The following DNAH5 variants were observed in gnomAD, a reference collection of about 807,000 sequenced individuals.
DNAH5 encodes dynein axonemal heavy chain 5, also known as axonemal beta dynein heavy chain 5.
DNAH5 carries 372 observed loss-of-function variants against 518.2 expected under a neutral mutation model. That is an observed-to-expected ratio of 0.72 (90% CI 0.66 to 0.78). The LOEUF (loss-of-function observed/expected upper bound fraction) is 0.78, where lower values mean the gene tolerates loss of function less well. DNAH5 is among the 30% of genes least tolerant of loss of function. DNAH5 has a pLI of 0.00. For synonymous variants in DNAH5, 2,039 were observed against 2,025.9 expected (o/e 1.01, Z -0.17); for missense variants, 5,523 against 5,687.0 (o/e 0.97, Z 0.93).
intron 35 of DNAH5, among the ~76,000 whole-genome samples, chr5:13,831,037 C>A (rs1472906144): frequency 6.6e-6 from 1 of 152,196 alleles, no homozygotes; most frequent in Non-Finnish European, 1.5e-5. Context: ...CTGAATTTTT[C>A]AGGCTTTCTT....
At chr5:13,754,373 T>C in intron 61 of DNAH5, 35 bp from the exon 62 acceptor site, 1 of 1,613,666 alleles carries the variant, frequency 6.2e-7, no homozygotes, top group Non-Finnish European at 8.5e-7. Context: ...AAGCTTTTAC[T>C]GAAATAAACA....
chr5:13,845,673 A>G (rs1188435397), intron 31 of DNAH5, among the ~76,000 whole-genome samples: 1 of 152,120 alleles, frequency 6.6e-6, no homozygotes, highest in African/African-American at 2.4e-5. Flanking sequence ...TTTCTTAACT[A>G]TAGCTCTCTA....
Position 13,776,601 on chromosome 5 carries a change from G to T in DNAH5, c.9211C>A (p.His3071Asn). The T allele has an allele frequency of 6.2e-7, 1 of 1,613,936 alleles. No homozygotes were observed. The highest frequency in any genetic ancestry group is 8.5e-7 in the Non-Finnish European group (1 of 1,179,862). Residue 3071 changes from histidine (H) to asparagine (N), a missense_variant, in exon 55 of 79, where the codon CAC (histidine) becomes AAC (asparagine). His to Asn is a moderately conservative substitution (Grantham distance 68, BLOSUM62 1). This residue lies in a region of DNAH5 where 5,121 missense variants were observed against 5,223.3 expected (regional missense o/e 0.98). Coordinates refer to ENST00000265104, the MANE Select transcript of DNAH5 (RefSeq NM_001369.3). ...PRCLPTNENLHDYFMSRVRQN... is the reference protein window; with the variant it reads ...PRCLPTNENLNDYFMSRVRQN... Reference sequence around the variant, plus strand: ...CGGACCCGACTCATGAAGTAGTCGTGCAGGTTCTCATTGGTAGGAAGGCAC... The same window carrying T: ...CGGACCCGACTCATGAAGTAGTCGTTCAGGTTCTCATTGGTAGGAAGGCAC...
intron 25 of DNAH5, among the ~76,000 whole-genome samples, chr5:13,867,143 G>C (rs1020751988): frequency 2.6e-5 from 4 of 152,176 alleles, no homozygotes; most frequent in South Asian, 2.1e-4. Context: ...TTCAGTAACA[G>C]ACCAAATTAT....
rs571439423 is a variant in DNAH5 at position 13,720,891 on chromosome 5, G to T, written c.12279+109C>A. The T allele has an allele frequency of 5.5e-5, 80 of 1,464,638 alleles. No homozygotes were observed. The East Asian group carries it at 1.7e-3, about 31-fold the overall frequency. 90.7% of individuals were successfully genotyped at this position (1,464,638 alleles called of 1,614,324 possible). On this transcript the variant is annotated intron_variant, in intron 71 of 78. Coordinates refer to ENST00000265104, the MANE Select transcript of DNAH5 (RefSeq NM_001369.3). ...AAAAAACGCTGTTTAGTAAACAGCAGGCAGCATGTAAATTTAAACTCCTAA... is the reference window on the plus strand; with the variant it reads ...AAAAAACGCTGTTTAGTAAACAGCATGCAGCATGTAAATTTAAACTCCTAA...
chr5:13,788,683 T>C (rs753454618), intron 51 of DNAH5, 33 bp downstream of exon 51: 31 of 1,573,366 alleles, frequency 2.0e-5, no homozygotes, highest in Non-Finnish European at 2.4e-5. Flanking sequence ...GAACACCTTT[T>C]GGGGAATTCC....
chr5:13,866,324 G>A, intron 25 of DNAH5, 42 bp from the exon 26 acceptor site: 2 of 1,540,342 alleles, frequency 1.3e-6, no homozygotes, highest in South Asian at 1.1e-5. Flanking sequence ...GGAAGTGTTT[G>A]CATATAAATT....
chr5:13,818,876 G>A (rs1187351074), intron 41 of DNAH5, among the ~76,000 whole-genome samples: 1 of 152,050 alleles, frequency 6.6e-6, no homozygotes, highest in Non-Finnish European at 1.5e-5. Context: ...TCAACCTTTT[G>A]GATTATTAAC....
At chr5:13,837,614 G>C (rs753156242) in intron 35 of DNAH5, among the ~76,000 whole-genome samples, 32 of 150,634 alleles carry the variant, frequency 2.1e-4, no homozygotes, top group South Asian at 6.3e-4. Context: ...AGACAAGGAA[G>C]TGCTGGAGAC....
chr5:13,838,618 G>A (rs949387971), intron 35 of DNAH5, among the ~76,000 whole-genome samples: 2 of 151,984 alleles, frequency 1.3e-5, no homozygotes, highest in African/African-American at 2.4e-5. Flanking sequence ...AAACACACTC[G>A]GGGCTCTCAC....
chr5:13,820,570 A>G (rs1036456063), intron 40 of DNAH5, 71 bp from the exon 41 acceptor site: 2 of 1,577,874 alleles, frequency 1.3e-6, no homozygotes, highest in Non-Finnish European at 1.7e-6. Context: ...CACGCCTGTA[A>G]TCCCAACAAT....
chr5:13,911,816 T>C (rs868049396), intron 11 of DNAH5, among the ~76,000 whole-genome samples: 3 of 152,212 alleles, frequency 2.0e-5, no homozygotes, highest in Middle Eastern at 3.2e-3. Context: ...CTGAAATAAT[T>C]TTTAAAGCCC....
rs146405587 is a variant in DNAH5, at chr5:13,798,142, A to T, written c.7888-4084T>A. 7.3e-3 allele frequency among the ~76,000 whole-genome samples: 1,116 copies of T among 152,274 alleles called. 11 individuals are homozygous for T. Among genetic ancestry groups the T allele is most frequent in the Middle Eastern group, 0.037 (11 of 294 alleles). ...TGGGTGCAGCAAACCAACATGGCAC[A>T]TGTATACCTATGTATCAAACCTGCA... On this transcript the variant is annotated intron_variant, in intron 47 of 78. Transcript: ENST00000265104.
chr5:13,728,590 C>A (rs969301418), intron 69 of DNAH5, among the ~76,000 whole-genome samples: 1 of 151,912 alleles, frequency 6.6e-6, no homozygotes, highest in Non-Finnish European at 1.5e-5. Flanking sequence ...GGGAATAACC[C>A]GAAAGAATGG....
At chr5:13,882,374 C>T (rs1428795485) in intron 21 of DNAH5, among the ~76,000 whole-genome samples, 1 of 149,950 alleles carries the variant, frequency 6.7e-6, no homozygotes, top group Non-Finnish European at 1.5e-5. Context: ...AAAAAAACTA[C>T]AGGCCAATAT....
intron 76 of DNAH5, 25 bp from the exon 77 acceptor site, chr5:13,701,461 T>C (rs905218531): frequency 2.5e-6 from 4 of 1,594,082 alleles, no homozygotes; most frequent in Non-Finnish European, 3.4e-6. Context: ...TTAAAACAAT[T>C]AATTGATGTA....
chr5:13,796,318 A>G lies in DNAH5; in HGVS notation c.7888-2260T>C, dbSNP rs558269405. Among the ~76,000 whole-genome samples the G allele has an allele frequency of 3.3e-5, 5 of 152,328 alleles. No homozygotes were observed. The East Asian group carries it at 7.7e-4, about 23-fold the overall frequency. The stretch of plus-strand genomic sequence containing the variant: ...AGAAAACACCATTGTCTCAGCCCAA[A>G]ATCTCCTTAAGCTGATAAGCAACTT... On this transcript the variant is annotated intron_variant, in intron 47 of 78. Coordinates refer to ENST00000265104, the MANE Select transcript of DNAH5 (RefSeq NM_001369.3).
At chr5:13,819,711 T>C (rs1453237215) in intron 41 of DNAH5, among the ~76,000 whole-genome samples, 2 of 152,148 alleles carry the variant, frequency 1.3e-5, no homozygotes, top group Non-Finnish European at 2.9e-5. Context: ...ATCATGAATG[T>C]GGTAATGTCC....
At chr5:13,906,191 G>A (rs369860086) in intron 12 of DNAH5, among the ~76,000 whole-genome samples, 4 of 152,160 alleles carry the variant, frequency 2.6e-5, no homozygotes, top group Admixed American at 2.0e-4. Context: ...GCATATCCTT[G>A]TATCTTTGTC....
Sources: allele counts gnomAD v4.1 joint callset (sites outside exome capture counted in the v4.1 genomes callset), GRCh38; gene constraint gnomAD v4.1.1; regional missense constraint gnomAD v4.1.1; transcripts MANE v1.5; gene names NCBI Gene and HGNC (gene_info 2026-07-23, HGNC 2026-07-21).